The following GPC3 variants were observed in gnomAD, a reference collection of about 807,000 sequenced individuals.
The protein encoded by GPC3 is glypican-3.
Under a neutral mutation model 34.4 loss-of-function variants are expected in GPC3, and 3 were observed. The observed-to-expected ratio is 0.09, with a 90% CI of 0.04 to 0.23. GPC3 has a LOEUF of 0.23. GPC3 is among the 10% of genes least tolerant of loss of function. The pLI, the probability that GPC3 is intolerant of heterozygous loss-of-function variation, is 1.00. For synonymous variants in GPC3, 177 were observed against 174.0 expected, an observed-to-expected ratio of 1.02 and a Z score of -0.13; for missense variants, 351 against 445.6, an observed-to-expected ratio of 0.79 and a Z score of 1.91.
At chrX:133,599,367 A>G (rs186198191) in intron 6 of GPC3, among the ~76,000 whole-genome samples, 3 of 112,389 alleles carry the variant, frequency 2.7e-5, no homozygotes, top group East Asian at 2.8e-4. Context: ...ACCAGTGATG[A>G]ATACAATGAC....
chrX:133,764,732 G>A (rs1317485493), intron 2 of GPC3, among the ~76,000 whole-genome samples: 3 of 111,835 alleles, frequency 2.7e-5, no homozygotes, highest in African/African-American at 3.2e-5. Flanking sequence ...TTAGAAACCC[G>A]TTTTACTGTG....
chrX:133,726,819 C>A (rs2071413025), intron 3 of GPC3, among the ~76,000 whole-genome samples: 1 of 112,413 alleles, frequency 8.9e-6, no homozygotes, highest in African/African-American at 3.2e-5. Flanking sequence ...CCCATGTGCT[C>A]TTCCTATCAG....
At chrX:133,969,771 A>T (rs1168606077) in intron 1 of GPC3, among the ~76,000 whole-genome samples, 2 of 111,907 alleles carry the variant, frequency 1.8e-5, no homozygotes, top group Non-Finnish European at 3.8e-5. Context: ...TTTATTTGGC[A>T]GCCCCTTCCA....
intron 6 of GPC3, among the ~76,000 whole-genome samples, chrX:133,648,198 G>A (rs778511766): frequency 5.4e-5 from 6 of 111,485 alleles, no homozygotes; most frequent in Non-Finnish European, 1.1e-4. Flanking sequence ...GGCTGCATAC[G>A]GCTCAGGACA....
intron 2 of GPC3, among the ~76,000 whole-genome samples, chrX:133,944,058 C>T (rs1271996099): frequency 9.1e-6 from 1 of 110,470 alleles, no homozygotes; most frequent in Non-Finnish European, 1.9e-5. Flanking sequence ...ATCAATACTA[C>T]TTATTCTAAT....
At chrX:133,770,153 T>G (rs1024254203) in intron 2 of GPC3, among the ~76,000 whole-genome samples, 1 of 111,507 alleles carries the variant, frequency 9.0e-6, no homozygotes, top group African/African-American at 3.3e-5. Context: ...GGCGCATGCC[T>G]GGGGTCCCAG....
intron 2 of GPC3, among the ~76,000 whole-genome samples, chrX:133,854,991 C>T (rs1420970481): frequency 8.9e-6 from 1 of 112,008 alleles, no homozygotes; most frequent in African/African-American, 3.2e-5. Context: ...ACAGCATAAT[C>T]ACATTTTAAT....
chrX:133,886,420 A>T (rs987958074), intron 2 of GPC3, among the ~76,000 whole-genome samples: 3 of 111,589 alleles, frequency 2.7e-5, no homozygotes, highest in Non-Finnish European at 5.7e-5. Flanking sequence ...AATTCTTTTT[A>T]AAAAAATTCA....
intron 2 of GPC3, among the ~76,000 whole-genome samples, chrX:133,881,203 C>T (rs2076040042): frequency 8.9e-6 from 1 of 111,970 alleles, no homozygotes; most frequent in South Asian, 3.7e-4. Flanking sequence ...TGCGTACCCA[C>T]AATCCTCATC....
chrX:133,816,300 C>G (rs1302980453), intron 2 of GPC3, among the ~76,000 whole-genome samples: 1 of 111,782 alleles, frequency 8.9e-6, no homozygotes, highest in Non-Finnish European at 1.9e-5. Flanking sequence ...AGGGATCCTC[C>G]TGCCTTGGTC....
chrX:133,743,093 C>T (rs1186765628), intron 3 of GPC3, among the ~76,000 whole-genome samples: 1 of 112,488 alleles, frequency 8.9e-6, no homozygotes, highest in African/African-American at 3.2e-5. Flanking sequence ...ATTTGTTTTA[C>T]CCCATTAACA....
chrX:133,680,728 C>G (rs1410535967), intron 5 of GPC3, among the ~76,000 whole-genome samples: 1 of 112,017 alleles, frequency 8.9e-6, no homozygotes, highest in Non-Finnish European at 1.9e-5. Context: ...CTATTTTTGA[C>G]CTGCAACTAG....
At chrX:133,580,293 C>A (rs1250037701) in intron 7 of GPC3, among the ~76,000 whole-genome samples, 2 of 111,865 alleles carry the variant, frequency 1.8e-5, no homozygotes, top group African/African-American at 6.5e-5. Flanking sequence ...TGTTTCTAAA[C>A]CCCTTGGAGG....
chrX:133,711,613 C>A (rs1041753584), intron 3 of GPC3, among the ~76,000 whole-genome samples: 3 of 111,670 alleles, frequency 2.7e-5, no homozygotes, highest in Non-Finnish European at 5.6e-5. Flanking sequence ...TTCTCTGAGA[C>A]CTCTCGGGAG....
rs144152545 is a variant in GPC3 at position 133,756,321 on chromosome X, C to T, written c.338-2145G>A. On this transcript the variant is annotated intron_variant, in intron 2 of 7. Coordinates refer to ENST00000370818, the MANE Select transcript of GPC3 (RefSeq NM_004484.4). ...GTCTCAAAAACCTTTGCAGAAAGTACAGTTCTATTTTAAACTCATTATTTT... is the reference window on the plus strand; with the variant it reads ...GTCTCAAAAACCTTTGCAGAAAGTATAGTTCTATTTTAAACTCATTATTTT... Among the ~76,000 whole-genome samples, 494 of 112,259 alleles carry T rather than the reference C, an allele frequency of 4.4e-3. 2 individuals are homozygous for T. The highest frequency in any genetic ancestry group is 0.015 in the African/African-American group (463 of 30,932).
rs1461829062 is a variant in GPC3, at chrX:133,682,817, A to G, written c.1292+9552T>C. Among the ~76,000 whole-genome samples, 3 of 110,095 alleles carry G rather than the reference A, an allele frequency of 2.7e-5. No individual in the cohort carries two copies. The Admixed American group carries it at 2.9e-4, about 11-fold the overall frequency. On this transcript the variant is annotated intron_variant, in intron 5 of 7. Transcript: ENST00000370818. ...CCCTGTCTCTACTAAAAATACAAAA[A>G]TTGGCCAGGCATGGTGGCACGTGCC...
At position 133,739,688 on chromosome X, in the gene GPC3, A is replaced by C. The variant is rs192048772; in HGVS notation, c.1032+13794T>G. Among the ~76,000 whole-genome samples the C allele has an allele frequency of 1.3e-3, 145 of 110,123 alleles. No individual in the cohort carries two copies. In the South Asian group the frequency reaches 0.014, roughly 10 times the overall value. ...TAGCAAGACCCTGTCTCTACTAAAA[A>C]AAAAACAAAAACAAAAACAAAACAA... is the stretch of plus-strand genomic sequence containing the variant. On this transcript the variant is annotated intron_variant, in intron 3 of 7. Transcript: ENST00000370818.
intron 2 of GPC3, among the ~76,000 whole-genome samples, chrX:133,871,776 G>A (rs189928035): frequency 0.01 from 1,173 of 112,011 alleles, 19 homozygotes; most frequent in African/African-American, 0.036. Flanking sequence ...CTCACATTCA[G>A]AAAGAAAACT....
At chrX:133,824,872 G>A (rs772443022) in intron 2 of GPC3, among the ~76,000 whole-genome samples, 63 of 111,844 alleles carry the variant, frequency 5.6e-4, no homozygotes, top group African/African-American at 1.6e-3. Context: ...TTTTTGAGAC[G>A]GAGTCTCGCT....
Sources: allele counts gnomAD v4.1 joint callset (sites outside exome capture counted in the v4.1 genomes callset), GRCh38; gene constraint gnomAD v4.1.1; transcripts MANE v1.5; gene names NCBI Gene and HGNC (gene_info 2026-07-23, HGNC 2026-07-21).